PGAM5: variants seen among roughly 807,000 people sequenced by gnomAD.
The protein encoded by PGAM5 is serine/threonine-protein phosphatase PGAM5, mitochondrial.
PGAM5 carries 25 observed loss-of-function variants against 30.6 expected under a neutral mutation model. The observed-to-expected ratio is 0.82, with a 90% CI of 0.60 to 1.14. The LOEUF (loss-of-function observed/expected upper bound fraction) is 1.14. PGAM5 is among the 50% of genes most tolerant of loss of function. The pLI is 0.00. For missense variants in PGAM5, 384 were observed against 408.5 expected (o/e 0.94, Z 0.52); for synonymous variants, 201 against 179.1 (o/e 1.12, Z -0.98).
chr12:132,719,577 T>C (rs766293691), intron 5 of PGAM5, among the ~76,000 whole-genome samples: 1 of 152,188 alleles, frequency 6.6e-6, no homozygotes, highest in Non-Finnish European at 1.5e-5. Context: ...ACCACCACCT[T>C]GTGTGTCCAT....
At chr12:132,719,028 A>T (rs2136087071) in intron 5 of PGAM5, 1 of 1,430,966 alleles carries the variant, frequency 7.0e-7, no homozygotes, top group Non-Finnish European at 9.1e-7. Context: ...ACCACCCTGC[A>T]ATCAGCCACT....
intron 1 of PGAM5, among the ~76,000 whole-genome samples, chr12:132,713,724 G>A (rs1326633554): frequency 6.6e-6 from 1 of 152,156 alleles, no homozygotes; most frequent in Non-Finnish European, 1.5e-5. Flanking sequence ...AGGCTGGAGT[G>A]CAGTGCAGTG....
chr12:132,715,065 ACCCTCGTGGT>A (rs758134587), intron 2 of PGAM5, 29 bp downstream of exon 2: 51 of 1,565,046 alleles, frequency 3.3e-5, no homozygotes, highest in Non-Finnish European at 4.2e-5. Context: ...TCCTCTGTGG[ACCCTCGTGGT>A]TATGTGGCCA....
chr12:132,716,082 C>T (rs776953510), intron 2 of PGAM5, among the ~76,000 whole-genome samples: 2 of 151,702 alleles, frequency 1.3e-5, no homozygotes, highest in African/African-American at 2.4e-5. Context: ...TGATGCCTGG[C>T]GTCTGCTTGT....
chr12:132,717,917 G>C (rs2043599134), intron 4 of PGAM5, 70 bp from the exon 5 acceptor site: 16 of 1,601,666 alleles, frequency 1.0e-5, no homozygotes. Context: ...GGGCGGCGAT[G>C]GGGTCTGTCC....
Position 132,720,677 on chromosome 12 carries a change from G to A in PGAM5, c.720-1G>A. The A allele has an allele frequency of 6.5e-7, 1 of 1,535,510 alleles. No homozygotes were observed. The highest frequency in any genetic ancestry group is 8.7e-7 in the Non-Finnish European group (1 of 1,146,502). ...CTTTCTCTCTCTCTCTCTCTCCCCAGAGCACTGCAGTTTCCTCCTGAAGGC... is the reference window on the plus strand; with the variant it reads ...CTTTCTCTCTCTCTCTCTCTCCCCAAAGCACTGCAGTTTCCTCCTGAAGGC... On this transcript the variant is annotated splice_acceptor_variant, in intron 5 of 5. Coordinates refer to ENST00000498926, the MANE Select transcript of PGAM5 (RefSeq NM_001170543.2). LOFTEE classifies it high-confidence loss of function.
rs2043560728 is a variant in PGAM5 at position 132,715,048 on chromosome 12, G to A, written c.370+12G>A. ...TCTGACCCCGCTGGGTATGTGGTGG[G>A]TTCAGATCCTCTGTGGACCCTCGTG... On this transcript the variant is annotated intron_variant, in intron 2 of 5. Coordinates refer to ENST00000498926, the MANE Select transcript of PGAM5 (RefSeq NM_001170543.2). 1 of 1,598,240 alleles carries A rather than the reference G, an allele frequency of 6.3e-7. No individual in the cohort carries two copies. Among genetic ancestry groups the A allele is most frequent in the Non-Finnish European group, 8.5e-7 (1 of 1,172,018 alleles).
At chr12:132,719,141 T>C in intron 5 of PGAM5, 2 of 1,303,436 alleles carry the variant, frequency 1.5e-6, no homozygotes, top group Non-Finnish European at 2.0e-6. Flanking sequence ...GTTGGCCAAA[T>C]CTCACTAAAT....
At chr12:132,719,823 G>C (rs1281071239) in intron 5 of PGAM5, among the ~76,000 whole-genome samples, 1 of 152,238 alleles carries the variant, frequency 6.6e-6, no homozygotes, top group Non-Finnish European at 1.5e-5. Flanking sequence ...GCTCAGAGGC[G>C]ATGAAGGCAA....
intron 5 of PGAM5, chr12:132,718,731 C>T: frequency 6.2e-7 from 1 of 1,612,410 alleles, no homozygotes; most frequent in Non-Finnish European, 8.5e-7. Context: ...CGACCAACCA[C>T]CTTCTGCCTC....
rs1475067360 is a variant in PGAM5, at chr12:132,714,870, G to A, written c.204G>A (p.Leu68=). The change falls in exon 2 of 6, where the codon CTG becomes CTA. Residue 68 remains leucine, a synonymous_variant. Coordinates refer to ENST00000498926, the MANE Select transcript of PGAM5 (RefSeq NM_001170543.2). Reference sequence around the variant, plus strand: ...ATTTCAACATCAGGCGAGAACCACTGTCTCTGATCAACGTGCGGAAGAGGA... The same window carrying A: ...ATTTCAACATCAGGCGAGAACCACTATCTCTGATCAACGTGCGGAAGAGGA... ...WDPNWDRREP[L]SLINVRKRNV... 6.2e-7 allele frequency: 1 copy of A among 1,613,702 alleles called. No individual in the cohort carries two copies. Among genetic ancestry groups the A allele is most frequent in the Admixed American group, 1.7e-5 (1 of 60,020 alleles).
intron 5 of PGAM5, 141 bp downstream of exon 5, chr12:132,718,261 G>T: frequency 1.8e-6 from 2 of 1,083,518 alleles, no homozygotes; most frequent in Non-Finnish European, 1.3e-6. Context: ...TCCACTTCCC[G>T]CGAGTCCTAG....
At position 132,717,733 on chromosome 12, in the gene PGAM5, C is replaced by T. The variant is rs774908573; in HGVS notation, c.520C>T (p.Leu174=). Residue 174 remains leucine (L), a synonymous_variant, in exon 4 of 6, where the codon CTG becomes TTG. Transcript: ENST00000498926. ...AGGCGTCTGCAAAGTCAGCACAGATCTGCTGCGGGAAGGCGCCCCCATCGA... is the reference window on the plus strand; with the variant it reads ...AGGCGTCTGCAAAGTCAGCACAGATTTGCTGCGGGAAGGCGCCCCCATCGA... ...LPGVCKVSTD[L]LREGAPIEPD... 4 of 1,580,082 alleles carry T rather than the reference C, an allele frequency of 2.5e-6. No individual in the cohort carries two copies. The highest frequency in any genetic ancestry group is 3.4e-6 in the Non-Finnish European group (4 of 1,163,316).
chr12:132,720,114 C>T (rs554441234), intron 5 of PGAM5, among the ~76,000 whole-genome samples: 1 of 152,168 alleles, frequency 6.6e-6, no homozygotes, highest in African/African-American at 2.4e-5. Context: ...TCCCAGTCAT[C>T]GATTCACGTC....
At chr12:132,711,111 G>T in intron 1 of PGAM5, 44 bp downstream of exon 1, 2 of 1,183,588 alleles carry the variant, frequency 1.7e-6, no homozygotes, top group South Asian at 4.2e-5. Flanking sequence ...ATGGGGGTCA[G>T]GGCAGGTGTT....
rs1357046769 is a variant in PGAM5, at chr12:132,722,401, C to T, written c.*1573C>T. On this transcript the variant is annotated 3_prime_UTR_variant, in exon 6 of 6. Transcript: ENST00000498926. The stretch of plus-strand genomic sequence containing the variant: ...AAGTAGCTGGGATTATAGGCGCCCA[C>T]CACCATGCCTGGCTAATTTTTTATT... The T allele has an allele frequency of 1.3e-5, 2 of 152,024 alleles. No homozygotes were observed. Among genetic ancestry groups the T allele is most frequent in the African/African-American group, 4.8e-5 (2 of 41,412 alleles). The allele number at this position is 152,024 out of a possible 1,614,324, so 9.4% of individuals were successfully genotyped here. A position where few individuals can be genotyped will look rare whatever the true frequency, so the allele number is the denominator to read the frequency against.
rs1320801505 is a variant in PGAM5 at position 132,722,081 on chromosome 12, AGAG to A, written c.*1255_*1257del. 1.3e-4 allele frequency: 20 copies of A among 152,352 alleles called. No homozygotes were observed. Among genetic ancestry groups the A allele is most frequent in the African/African-American group, 4.8e-4 (20 of 41,562 alleles). 9.4% of individuals were successfully genotyped at this position (152,352 alleles called of 1,614,324 possible). A position where few individuals can be genotyped will look rare whatever the true frequency, so the allele number is the denominator to read the frequency against. On this transcript the variant is annotated 3_prime_UTR_variant, in exon 6 of 6. Transcript: ENST00000498926. Reference sequence around the variant, plus strand: ...GGAGGGGCAGGTGAGGTGGGTCTACAGAGGTGGCTTCGCCTTTGACCTTCATGC... The same window carrying A: ...GGAGGGGCAGGTGAGGTGGGTCTACAGTGGCTTCGCCTTTGACCTTCATGC...
intron 2 of PGAM5, among the ~76,000 whole-genome samples, chr12:132,715,561 A>C (rs2043567435): frequency 9.5e-6 from 1 of 105,174 alleles, no homozygotes; most frequent in African/African-American, 3.6e-5. Flanking sequence ...ACAGAGCGAG[A>C]CTCCGTCTCA....
chr12:132,718,844 C>G (rs1299801811), intron 5 of PGAM5: 1 of 1,613,154 alleles, frequency 6.2e-7, no homozygotes, highest in Non-Finnish European at 8.5e-7. Flanking sequence ...GGCGCTCCCA[C>G]CCGTGTGCCA....
Sources: allele counts gnomAD v4.1 joint callset (sites outside exome capture counted in the v4.1 genomes callset), GRCh38; gene constraint gnomAD v4.1.1; transcripts MANE v1.5; gene names NCBI Gene and HGNC (gene_info 2026-07-23, HGNC 2026-07-21).